Variants in KCNQ1OT1 observed in about 807,000 individuals in gnomAD.
The protein encoded by KCNQ1OT1 is KCNQ1 opposite strand/antisense transcript 1, also known as KCNQ1 antisense RNA 2 (non-protein coding).
chr11:2,630,180 T>A (rs4271371), exon 1 of KCNQ1OT1: 1 of 398,072 alleles, frequency 2.5e-6, no homozygotes, highest in Non-Finnish European at 4.4e-6. Flanking sequence ...AATGATTGTA[T>A]GATTTTTATC....
exon 1 of KCNQ1OT1, chr11:2,625,487 T>A (rs1196762278): frequency 1.0e-5 from 4 of 398,502 alleles, no homozygotes; most frequent in Non-Finnish European, 1.8e-5. Flanking sequence ...GACTTGTATT[T>A]CCTAATGACT....
chr11:2,699,225 C>T (rs1850729613), exon 1 of KCNQ1OT1: 3 of 398,772 alleles, frequency 7.5e-6, no homozygotes, highest in Non-Finnish European at 1.3e-5. Context: ...GGACCTCGAC[C>T]CTGGCCACGC....
chr11:2,631,644 C>G (rs1270321056), exon 1 of KCNQ1OT1: 4 of 398,204 alleles, frequency 1.0e-5, no homozygotes, highest in African/African-American at 8.2e-5. Flanking sequence ...CTTGGTTTTT[C>G]TGTTTCTTGT....
exon 1 of KCNQ1OT1, chr11:2,646,264 A>G (rs1392316386): frequency 1.3e-5 from 5 of 398,528 alleles, no homozygotes; most frequent in Non-Finnish European, 1.8e-5. Context: ...ATATCTGGAT[A>G]GGGATTTCAT....
exon 1 of KCNQ1OT1, chr11:2,681,593 CTT>C: frequency 2.5e-6 from 1 of 398,460 alleles, no homozygotes; most frequent in Non-Finnish European, 4.4e-6. Flanking sequence ...TTCTAGCTTG[CTT>C]GCTCACTCGC....
At chr11:2,632,280 A>G in exon 1 of KCNQ1OT1, 1 of 397,090 alleles carries the variant, frequency 2.5e-6, no homozygotes, top group Non-Finnish European at 4.4e-6. Flanking sequence ...TTTTGTGGTG[A>G]GTTTTCAGGG....
chr11:2,695,435 T>C lies in KCNQ1OT1; in HGVS notation n.4560A>G, dbSNP rs1850657448. The C allele has an allele frequency of 1.0e-5, 4 of 398,696 alleles. No individual in the cohort carries two copies. Among genetic ancestry groups the C allele is most frequent in the Non-Finnish European group, 1.8e-5 (4 of 226,114 alleles). The allele number at this position is 398,696 out of a possible 1,614,324, so 24.7% of individuals were successfully genotyped here. On this transcript the variant is annotated non_coding_transcript_exon_variant, in exon 1 of 1. Transcript: ENST00000597346. The surrounding 1 kb of genome is among the most constrained non-coding windows in gnomAD (Gnocchi z 5.2). Reference sequence around the variant, plus strand: ...CATGTACTGAGGCCCTCTTTCTGTTTGGCATTTGTGTCACTCAGCACTGTG... The same window carrying C: ...CATGTACTGAGGCCCTCTTTCTGTTCGGCATTTGTGTCACTCAGCACTGTG...
In KCNQ1OT1 at chr11:2,663,976, C is replaced by A; in HGVS notation, n.36019G>T. The A allele has an allele frequency of 2.5e-6, 1 of 398,706 alleles. No individual in the cohort carries two copies. Among genetic ancestry groups the A allele is most frequent in the South Asian group, 1.3e-4 (1 of 7,858 alleles). 24.7% of individuals were successfully genotyped at this position (398,706 alleles called of 1,614,324 possible). A position where few individuals can be genotyped will look rare whatever the true frequency, so the allele number is the denominator to read the frequency against. On this transcript the variant is annotated non_coding_transcript_exon_variant, in exon 1 of 1. Coordinates refer to ENST00000597346, the Ensembl canonical transcript of KCNQ1OT1. This position sits in a 1 kb window ranked among gnomAD's most constrained non-coding sequence, Gnocchi z 5.2. ...GCCTGAGAGACCTGAACATCCATCCCCAAGCTCTCTGCCCACTTTGGGTCT... is the reference window on the plus strand; with the variant it reads ...GCCTGAGAGACCTGAACATCCATCCACAAGCTCTCTGCCCACTTTGGGTCT...
At chr11:2,638,362 C>T (rs1253331555) in exon 1 of KCNQ1OT1, 3 of 152,170 alleles carry the variant, frequency 2.0e-5, no homozygotes, top group African/African-American at 7.2e-5. Context: ...TCTTGTAGGG[C>T]AGGCCTGGTG....
At position 2,652,743 on chromosome 11, in the gene KCNQ1OT1, T is replaced by C; in HGVS notation, n.47252A>G. 1 of 398,962 alleles carries C rather than the reference T, an allele frequency of 2.5e-6. No individual in the cohort carries two copies. The highest frequency in any genetic ancestry group is 4.4e-6 in the Non-Finnish European group (1 of 226,368). 24.7% of individuals were successfully genotyped at this position (398,962 alleles called of 1,614,324 possible). ...TCACTCACGCTCAGGGTTGACCCTG[T>C]CCTGGCTCTGTCACTGCCTGTCTTC... On this transcript the variant is annotated non_coding_transcript_exon_variant, in exon 1 of 1. Transcript: ENST00000597346. The surrounding 1 kb of genome is among the most constrained non-coding windows in gnomAD (Gnocchi z 5.9).
rs748473102 is a variant in KCNQ1OT1 at position 2,678,075 on chromosome 11, C to T, written n.21920G>A. The T allele has an allele frequency of 1.8e-5, 7 of 398,086 alleles. No individual in the cohort carries two copies. The highest frequency in any genetic ancestry group is 2.2e-5 in the Non-Finnish European group (5 of 225,948). 24.7% of individuals were successfully genotyped at this position (398,086 alleles called of 1,614,324 possible). On this transcript the variant is annotated non_coding_transcript_exon_variant, in exon 1 of 1. Transcript: ENST00000597346. This position sits in a 1 kb window ranked among gnomAD's most constrained non-coding sequence, Gnocchi z 4.9. ...ATACCCTTTGGACTTTGTAAAATAC[C>T]TTGTCTTACTGATTTGTAGAAACTT...
At chr11:2,628,835 A>C in exon 1 of KCNQ1OT1, 3 of 398,228 alleles carry the variant, frequency 7.5e-6, no homozygotes, top group Middle Eastern at 1.3e-3. Context: ...TTGCATGTGG[A>C]TATCCTGGTT....
Position 2,664,426 on chromosome 11 carries a change from C to T in KCNQ1OT1, n.35569G>A. The T allele has an allele frequency of 2.5e-6, 1 of 398,648 alleles. No individual in the cohort carries two copies. The highest frequency in any genetic ancestry group is 4.4e-6 in the Non-Finnish European group (1 of 226,106). 24.7% of individuals were successfully genotyped at this position (398,648 alleles called of 1,614,324 possible). On this transcript the variant is annotated non_coding_transcript_exon_variant, in exon 1 of 1. Coordinates refer to ENST00000597346, the Ensembl canonical transcript of KCNQ1OT1. The surrounding 1 kb of genome is among the most constrained non-coding windows in gnomAD (Gnocchi z 5.1). ...AGAGTGGGCACGTACAGTGTCAGGGCCTAGGAACCCAGGCTCCTCTGGGAT... is the reference window on the plus strand; with the variant it reads ...AGAGTGGGCACGTACAGTGTCAGGGTCTAGGAACCCAGGCTCCTCTGGGAT...
exon 1 of KCNQ1OT1, chr11:2,699,427 A>G: frequency 2.5e-6 from 1 of 400,056 alleles, no homozygotes; most frequent in Non-Finnish European, 4.3e-6. Flanking sequence ...CGCGCTGAGG[A>G]GAGTCTGGGA....
exon 1 of KCNQ1OT1, chr11:2,660,562 C>A: frequency 2.5e-6 from 1 of 398,482 alleles, no homozygotes; most frequent in Non-Finnish European, 4.4e-6. Context: ...CAAAAGTGAG[C>A]AAAGGACATG....
In KCNQ1OT1 at chr11:2,661,485, G is replaced by T; in HGVS notation, n.38510C>A. On this transcript the variant is annotated non_coding_transcript_exon_variant, in exon 1 of 1. Transcript: ENST00000597346. This position sits in a 1 kb window ranked among gnomAD's most constrained non-coding sequence, Gnocchi z 5.9. ...GTTCTGTGGCTGCCCCCACCTCCCA[G>T]GCTTGCCATTCCTCATGGGTCAGAG... 4.6e-6 allele frequency: 2 copies of T among 437,334 alleles called. No homozygotes were observed. Among genetic ancestry groups the T allele is most frequent in the Non-Finnish European group, 8.0e-6 (2 of 248,668 alleles). 27.1% of individuals were successfully genotyped at this position (437,334 alleles called of 1,614,324 possible).
chr11:2,689,959 T>C (rs1850561939), exon 1 of KCNQ1OT1: 2 of 398,844 alleles, frequency 5.0e-6, no homozygotes, highest in East Asian at 7.1e-5. Context: ...GTGACTAGCC[T>C]CAGAGCCTGG....
chr11:2,681,645 CCTCT>C, exon 1 of KCNQ1OT1: 1 of 396,468 alleles, frequency 2.5e-6, no homozygotes, highest in South Asian at 1.3e-4. Flanking sequence ...CCTATCTCTC[CCTCT>C]CTCAGGAGAA....
Position 2,647,037 on chromosome 11 carries a change from T to C in KCNQ1OT1, n.52958A>G, listed in dbSNP as rs1849677049. 1 of 398,512 alleles carries C rather than the reference T, an allele frequency of 2.5e-6. No homozygotes were observed. The highest frequency in any genetic ancestry group is 2.1e-5 in the African/African-American group (1 of 48,638). 24.7% of individuals were successfully genotyped at this position (398,512 alleles called of 1,614,324 possible). On this transcript the variant is annotated non_coding_transcript_exon_variant, in exon 1 of 1. Transcript: ENST00000597346. This position sits in a 1 kb window ranked among gnomAD's most constrained non-coding sequence, Gnocchi z 4.0. ...TTCTTACTCTGCTGAATAAGAATAGTGAAAGTGGGCATCCTTGTCTTGTTC... is the reference window on the plus strand; with the variant it reads ...TTCTTACTCTGCTGAATAAGAATAGCGAAAGTGGGCATCCTTGTCTTGTTC...
Sources: allele counts gnomAD v4.1 joint callset, GRCh38; gene constraint gnomAD v4.1.1; non-coding constraint Gnocchi (gnomAD v3.1); transcripts MANE v1.5; gene names NCBI Gene and HGNC (gene_info 2026-07-23, HGNC 2026-07-21).